ZNF268: variants seen among roughly 807,000 people sequenced by gnomAD.
ZNF268 encodes zinc finger protein 3.
ZNF268 carries 20 observed loss-of-function variants against 29.3 expected under a neutral mutation model. The observed-to-expected ratio is 0.68, with a 90% CI of 0.48 to 0.99. The LOEUF is 0.99. Ranked by LOEUF, ZNF268 falls within the 50% of genes least tolerant of loss-of-function variation. The probability of loss-of-function intolerance (pLI) is 0.00; values close to 1 mark genes in which losing one functional copy is unlikely to be tolerated. For synonymous variants in ZNF268, 429 were observed against 376.9 expected (o/e 1.14, Z -1.60); for missense variants, 1,240 against 1,121.6 (o/e 1.11, Z -1.51).
At chr12:133,188,278 C>T in intron 3 of ZNF268, 1 of 535,732 alleles carries the variant, frequency 1.9e-6, no homozygotes, top group South Asian at 2.4e-5. Context: ...CTCACTGCAG[C>T]CTCAAACTCC....
chr12:133,203,768 A>G lies in ZNF268; in HGVS notation c.2082A>G (p.Lys694=). Residue 694 remains lysine (K), a synonymous_variant, in exon 6 of 6, where the codon AAA becomes AAG. Transcript: ENST00000536435. ...IVHQRSHTGV[K]PYGCSECGKA... ...ATCAGAGAAGTCACACAGGAGTAAA[A>G]CCATATGGATGCAGTGAGTGTGGGA... 1 of 1,563,388 alleles carries G rather than the reference A, an allele frequency of 6.4e-7. No homozygotes were observed. Among genetic ancestry groups the G allele is most frequent in the East Asian group, 2.3e-5 (1 of 42,650 alleles).
rs1163310904 is a variant in ZNF268 at position 133,205,166 on chromosome 12, A to AC, written c.*636_*637insC. 1.4e-5 allele frequency: 2 copies of AC among 142,302 alleles called. No individual in the cohort carries two copies. The highest frequency in any genetic ancestry group is 5.2e-5 in the African/African-American group (2 of 38,410). 8.8% of individuals were successfully genotyped at this position (142,302 alleles called of 1,614,324 possible). On this transcript the variant is annotated 3_prime_UTR_variant, in exon 6 of 6. Coordinates refer to ENST00000536435, the MANE Select transcript of ZNF268 (RefSeq NM_003415.3). ...TTCTAAAAAAAAAAAAAAAAAAAAA[A>AC]AAAAAAACCAACCTGTTATTATATC...
At chr12:133,191,312 G>A (rs987975382) in intron 3 of ZNF268, 177 bp from the exon 4 acceptor site, 8 of 645,534 alleles carry the variant, frequency 1.2e-5, no homozygotes, top group South Asian at 3.9e-5. Context: ...GTGAGACTCT[G>A]TCTCAACAAA....
rs879847098 is a variant in ZNF268, at chr12:133,206,612, A to G, written c.*2082A>G. The G allele has an allele frequency of 5.3e-5, 8 of 152,196 alleles. No individual in the cohort carries two copies. Among genetic ancestry groups the G allele is most frequent in the Admixed American group, 2.0e-4 (3 of 15,280 alleles). 9.4% of individuals were successfully genotyped at this position (152,196 alleles called of 1,614,324 possible). ...TATCTTGGAGGAATATGCGGATTCA[A>G]TACTGCAAATATTTCTGAAACACCT... On this transcript the variant is annotated 3_prime_UTR_variant, in exon 6 of 6. Transcript: ENST00000536435.
intron 5 of ZNF268, among the ~76,000 whole-genome samples, chr12:133,194,327 A>G (rs1372722148): frequency 3.9e-5 from 6 of 152,188 alleles, no homozygotes; most frequent in Admixed American, 3.9e-4. Context: ...ATTATTACAC[A>G]TCACAAAAGG....
Position 133,202,831 on chromosome 12 carries a change from AT to A in ZNF268, c.1147del (p.Ser383GlnfsTer17), listed in dbSNP as rs1208089950. ...KDQLVSHQKT[H>X]SGQKPYVCNE... ...CAGCTTGTTTCACACCAGAAAACTC[AT>A]TCAGGACAGAAACCATATGTGTGTA... is the stretch of plus-strand genomic sequence containing the variant. On this transcript the variant is annotated frameshift_variant, in exon 6 of 6. Coordinates refer to ENST00000536435, the MANE Select transcript of ZNF268 (RefSeq NM_003415.3). LOFTEE classifies it low-confidence loss of function (END_TRUNC). 1.3e-6 allele frequency: 2 copies of A among 1,597,078 alleles called. No individual in the cohort carries two copies. The highest frequency in any genetic ancestry group is 1.3e-5 in the African/African-American group (1 of 74,854).
chr12:133,200,587 A>G (rs1593917472), intron 5 of ZNF268, among the ~76,000 whole-genome samples: 1 of 151,988 alleles, frequency 6.6e-6, no homozygotes, highest in East Asian at 1.9e-4. Context: ...CCTGGTTAGT[A>G]TGTTGTTTTG....
At position 133,184,961 on chromosome 12, in the gene ZNF268, A is replaced by G. The variant is rs1412644182; in HGVS notation, c.34-2911A>G. ...CACTTTGGGAGGCCAAGGTGGGCAGATCATCTGAGGTCAGGAGTTCGAGAC... is the reference window on the plus strand; with the variant it reads ...CACTTTGGGAGGCCAAGGTGGGCAGGTCATCTGAGGTCAGGAGTTCGAGAC... On this transcript the variant is annotated intron_variant, in intron 2 of 5. Transcript: ENST00000536435. 3.3e-5 allele frequency among the ~76,000 whole-genome samples: 5 copies of G among 152,146 alleles called. No homozygotes were observed. The East Asian group carries it at 9.6e-4, about 29-fold the overall frequency.
At chr12:133,184,625 GTTTA>G (rs745356867) in intron 2 of ZNF268, 2 of 184,236 alleles carry the variant, frequency 1.1e-5, no homozygotes, top group African/African-American at 6.0e-5. Context: ...TTATTTATTT[GTTTA>G]TTTTTTTGAG....
Position 133,197,028 on chromosome 12 carries a change from CTTT to C in ZNF268, c.457+5037_457+5039del, listed in dbSNP as rs34487541. On this transcript the variant is annotated intron_variant, in intron 5 of 5. Coordinates refer to ENST00000536435, the MANE Select transcript of ZNF268 (RefSeq NM_003415.3). ...AGATTTTCTATTCTCTAGATCCTTT[CTTT>C]TTTTTTTTTTTAAATATTATTATAC... Among the ~76,000 whole-genome samples, 460 of 140,162 alleles carry C rather than the reference CTTT, an allele frequency of 3.3e-3. 11 individuals are homozygous for C. Among genetic ancestry groups the C allele is most frequent in the Admixed American group, 0.025 (352 of 13,880 alleles). 92.0% of individuals were successfully genotyped at this position (140,162 alleles called of 152,430 possible).
chr12:133,191,746 C>A, intron 4 of ZNF268, 131 bp downstream of exon 4: 1 of 1,474,786 alleles, frequency 6.8e-7, no homozygotes, highest in Non-Finnish European at 9.4e-7. Flanking sequence ...TTTCTTAGTT[C>A]CCTATTGGCA....
intron 4 of ZNF268, 145 bp downstream of exon 4, chr12:133,191,760 G>A: frequency 7.0e-7 from 1 of 1,428,658 alleles, no homozygotes; most frequent in African/African-American, 1.4e-5. Flanking sequence ...ATTGGCAGCA[G>A]AGTATGCCAG....
chr12:133,197,925 T>C (rs892378246), intron 5 of ZNF268, among the ~76,000 whole-genome samples: 1 of 152,234 alleles, frequency 6.6e-6, no homozygotes. Context: ...TTGTAGATTC[T>C]GGATATTAGC....
intron 5 of ZNF268, among the ~76,000 whole-genome samples, chr12:133,197,103 T>C (rs1365342515): frequency 6.6e-6 from 1 of 151,524 alleles, no homozygotes; most frequent in East Asian, 1.9e-4. Flanking sequence ...TAGTTACATA[T>C]GTGTACATGT....
At chr12:133,181,819 C>T (rs925826607) in intron 1 of ZNF268, 127 bp from the exon 2 acceptor site, 1 of 655,162 alleles carries the variant, frequency 1.5e-6, no homozygotes, top group Non-Finnish European at 2.7e-6. Context: ...GATGGTGAAT[C>T]CCGTGCTGTG....
chr12:133,199,781 G>C (rs890761784), intron 5 of ZNF268, among the ~76,000 whole-genome samples: 14 of 151,916 alleles, frequency 9.2e-5, no homozygotes, highest in African/African-American at 3.4e-4. Flanking sequence ...GTATGTGTCA[G>C]GGAATTTATC....
chr12:133,210,879 C>G lies in ZNF268; in HGVS notation c.*6349C>G, dbSNP rs1289763303. 3 of 456,058 alleles carry G rather than the reference C, an allele frequency of 6.6e-6. No homozygotes were observed. In the Admixed American group the frequency reaches 7.0e-5, roughly 11 times the overall value. The allele number at this position is 456,058 out of a possible 1,614,324, so 28.3% of individuals were successfully genotyped here. The stretch of plus-strand genomic sequence containing the variant: ...GCAGGCTAGACAAGGTGTGTGCTTG[C>G]ACCCCTTCCTTACTACCTAGGCACA... On this transcript the variant is annotated 3_prime_UTR_variant, in exon 6 of 6. Transcript: ENST00000536435.
chr12:133,199,098 A>G (rs2135514098), intron 5 of ZNF268, among the ~76,000 whole-genome samples: 1 of 152,262 alleles, frequency 6.6e-6, no homozygotes, highest in African/African-American at 2.4e-5. Flanking sequence ...GAGAGAGAGC[A>G]TCCCTGTCTT....
chr12:133,182,259 A>G (rs537781865), intron 2 of ZNF268, among the ~76,000 whole-genome samples: 6 of 152,140 alleles, frequency 3.9e-5, no homozygotes, highest in Non-Finnish European at 8.8e-5. Flanking sequence ...TGTACGCTGA[A>G]CTTTGGAGTT....
Sources: gnomAD v4.1 joint callset for allele counts (sites outside exome capture counted in the v4.1 genomes callset) on GRCh38, gnomAD v4.1.1 for gene constraint, MANE v1.5 for transcripts, NCBI Gene and HGNC (gene_info 2026-07-23, HGNC 2026-07-21) for gene names.